Variants in LGR5 observed in about 807,000 individuals in gnomAD.
LGR5 encodes leucine rich repeat containing G protein-coupled receptor 5.
LGR5 carries 54 observed loss-of-function variants against 76.7 expected under a neutral mutation model. The observed-to-expected ratio is 0.70, with a 90% confidence interval of 0.57 to 0.88. LGR5 has a LOEUF of 0.88. Ranked by LOEUF, LGR5 falls within the 40% of genes least tolerant of loss-of-function variation. The pLI is 0.00. For synonymous variants in LGR5, 406 were observed against 421.9 expected (o/e 0.96, Z 0.46); for missense variants, 1,078 against 1,073.3 (o/e 1.00, Z -0.06).
At chr12:71,536,663 A>C (rs1007128158) in intron 4 of LGR5, among the ~76,000 whole-genome samples, 1 of 152,254 alleles carries the variant, frequency 6.6e-6, no homozygotes, top group Non-Finnish European at 1.5e-5. Flanking sequence ...GCTGCAAGGC[A>C]GGCAGTAGAT....
intron 8 of LGR5, among the ~76,000 whole-genome samples, chr12:71,563,506 CCTCAT>C (rs2137434892): frequency 6.6e-6 from 1 of 152,326 alleles, no homozygotes; most frequent in South Asian, 2.1e-4. Flanking sequence ...AATGCAAACT[CCTCAT>C]CCTGACATTC....
At position 71,578,788 on chromosome 12, in the gene LGR5, G is replaced by T. The variant is rs1878968966; in HGVS notation, c.1281-16G>T. On this transcript the variant is annotated splice_polypyrimidine_tract_variant and intron_variant, in intron 14 of 17. Transcript: ENST00000266674. Reference sequence around the variant, plus strand: ...TAACATAGACTAAAAGCCAATTGTTGTTTGATGTTTTGCAGGGACCTATCG... The same window carrying T: ...TAACATAGACTAAAAGCCAATTGTTTTTTGATGTTTTGCAGGGACCTATCG... 6.3e-7 allele frequency: 1 copy of T among 1,586,302 alleles called. No homozygotes were observed. Among genetic ancestry groups the T allele is most frequent in the African/African-American group, 1.4e-5 (1 of 73,460 alleles).
intron 12 of LGR5, 68 bp from the exon 13 acceptor site, chr12:71,572,782 T>A: frequency 4.2e-6 from 5 of 1,197,848 alleles, no homozygotes; most frequent in Non-Finnish European, 6.2e-6. Context: ...TCTATAAAAG[T>A]TATCTGAAGT....
Position 71,498,206 on chromosome 12 carries a change from A to T in LGR5, c.213-6408A>T, listed in dbSNP as rs143190739. 1.2e-3 allele frequency among the ~76,000 whole-genome samples: 190 copies of T among 152,324 alleles called. 1 individual carries two copies. Among genetic ancestry groups the T allele is most frequent in the African/African-American group, 4.5e-3 (187 of 41,570 alleles). On this transcript the variant is annotated intron_variant, in intron 1 of 17. Transcript: ENST00000266674. ...TGAAAAGGAAAATTTAATTACAAGC[A>T]AAAACAATCACTGTGAAAGGTGAGC...
chr12:71,457,313 A>G (rs114219659), intron 1 of LGR5, among the ~76,000 whole-genome samples: 1,884 of 152,274 alleles, frequency 0.012, 46 homozygotes, highest in African/African-American at 0.043. Flanking sequence ...GGGATGGAAG[A>G]GAAAGTATGG....
chr12:71,580,233 T>C lies in LGR5; in HGVS notation c.1407-45T>C, dbSNP rs1162081095. ...AGAACATGAACACTATATTTAATTA[T>C]CCGTTTCTTTAAGTGTTTTTTGTTT... On this transcript the variant is annotated intron_variant, in intron 15 of 17. Transcript: ENST00000266674. 2.6e-6 allele frequency: 4 copies of C among 1,535,674 alleles called. 1 individual carries two copies. In the South Asian group the frequency reaches 3.6e-5, roughly 14 times the overall value.
At chr12:71,507,782 A>G (rs939392703) in intron 2 of LGR5, among the ~76,000 whole-genome samples, 1 of 151,858 alleles carries the variant, frequency 6.6e-6, no homozygotes, top group African/African-American at 2.4e-5. Flanking sequence ...TGTTATGACA[A>G]TTAGGACACT....
In LGR5 at chr12:71,535,121, G is replaced by T. The variant is rs1430054097; in HGVS notation, c.363G>T (p.Leu121=). ...TATTTCTTTTAACATACAGTATGCTGCAGAATAATCAGCTAAGACACGTAC... is the reference window on the plus strand; with the variant it reads ...TATTTCTTTTAACATACAGTATGCTTCAGAATAATCAGCTAAGACACGTAC... ...TGLYSLKVLM[L]QNNQLRHVPT... is the part of the protein sequence containing the mutation. The change falls in exon 4 of 18, where the codon CTG becomes CTT. Residue 121 remains leucine, a synonymous_variant. Coordinates refer to ENST00000266674, the MANE Select transcript of LGR5 (RefSeq NM_003667.4). 6.2e-7 allele frequency: 1 copy of T among 1,608,434 alleles called. No homozygotes were observed. The highest frequency in any genetic ancestry group is 1.3e-5 in the African/African-American group (1 of 74,880).
chr12:71,484,542 TG>T (rs1380748023), intron 1 of LGR5, among the ~76,000 whole-genome samples: 1 of 152,066 alleles, frequency 6.6e-6, no homozygotes, highest in Non-Finnish European at 1.5e-5. Context: ...TCCCTCTGAG[TG>T]GGGTCTTTTC....
chr12:71,440,070 C>A lies in LGR5; in HGVS notation c.-11C>A. ...CCCGCGTCCGGCTCGTGGCCCCCTA[C>A]TTCGGGCACCATGGACACCTCCCGG... On this transcript the variant is annotated 5_prime_UTR_variant, in exon 1 of 18. Transcript: ENST00000266674. This position sits in a 1 kb window ranked among gnomAD's most constrained non-coding sequence, Gnocchi z 5.3. The A allele has an allele frequency of 1.3e-6, 2 of 1,600,000 alleles. No individual in the cohort carries two copies. The highest frequency in any genetic ancestry group is 1.7e-6 in the Non-Finnish European group (2 of 1,179,496).
intron 2 of LGR5, 118 bp downstream of exon 2, chr12:71,504,803 A>ATG: frequency 1.2e-6 from 1 of 847,772 alleles, no homozygotes. Context: ...CAGCACCAAC[A>ATG]ATTTCAGAAC....
intron 11 of LGR5, among the ~76,000 whole-genome samples, chr12:71,570,392 T>C (rs1444863038): frequency 1.3e-5 from 2 of 152,178 alleles, no homozygotes; most frequent in South Asian, 4.1e-4. Context: ...ACACTATGCC[T>C]TTATGTAGAA....
At chr12:71,572,231 C>T (rs2137456666) in intron 12 of LGR5, among the ~76,000 whole-genome samples, 1 of 152,214 alleles carries the variant, frequency 6.6e-6, no homozygotes, top group South Asian at 2.1e-4. Flanking sequence ...TACAGGCACC[C>T]ATCACCATGC....
At chr12:71,468,642 T>C (rs1439792801) in intron 1 of LGR5, among the ~76,000 whole-genome samples, 2 of 152,038 alleles carry the variant, frequency 1.3e-5, no homozygotes, top group Non-Finnish European at 2.9e-5. Context: ...CCATATGCTT[T>C]TGAAAAGGAT....
chr12:71,502,579 CAT>C (rs986237397), intron 1 of LGR5, among the ~76,000 whole-genome samples: 1 of 152,158 alleles, frequency 6.6e-6, no homozygotes, highest in African/African-American at 2.4e-5. Flanking sequence ...AAGCTATTAA[CAT>C]AGAGACACCC....
chr12:71,545,441 G>A (rs1877107314), intron 4 of LGR5, among the ~76,000 whole-genome samples: 1 of 152,090 alleles, frequency 6.6e-6, no homozygotes, highest in South Asian at 2.1e-4. Context: ...GACAGAGTGA[G>A]ACCCTGTCTC....
intron 5 of LGR5, among the ~76,000 whole-genome samples, chr12:71,556,339 C>G (rs1352908800): frequency 2.0e-5 from 3 of 151,850 alleles, no homozygotes; most frequent in Non-Finnish European, 1.5e-5. Flanking sequence ...AAAAAAACAG[C>G]CTTGAAACCC....
intron 13 of LGR5, among the ~76,000 whole-genome samples, chr12:71,577,264 T>C (rs1053233092): frequency 6.6e-6 from 1 of 152,214 alleles, no homozygotes; most frequent in Non-Finnish European, 1.5e-5. Flanking sequence ...TCTACAGAAG[T>C]TTTTGCAAAA....
At chr12:71,574,548 A>T (rs1239709730) in intron 13 of LGR5, among the ~76,000 whole-genome samples, 4 of 151,956 alleles carry the variant, frequency 2.6e-5, no homozygotes, top group African/African-American at 7.3e-5. Flanking sequence ...CTACCCATTC[A>T]TCTTATTCTT....
Sources: allele counts gnomAD v4.1 joint callset (sites outside exome capture counted in the v4.1 genomes callset), GRCh38; gene constraint gnomAD v4.1.1; non-coding constraint Gnocchi (gnomAD v3.1); transcripts MANE v1.5; gene names NCBI Gene and HGNC (gene_info 2026-07-23, HGNC 2026-07-21).